PLCB4: variants seen among roughly 807,000 people sequenced by gnomAD.
PLCB4 encodes 1-phosphatidylinositol 4,5-bisphosphate phosphodiesterase beta-4.
Under a neutral mutation model 178.8 loss-of-function variants are expected in PLCB4, and 77 were observed. The ratio of observed to expected loss-of-function variants is 0.43; its 90% CI spans 0.36 to 0.52. PLCB4 has a LOEUF of 0.52. PLCB4 is among the 20% of genes least tolerant of loss of function. PLCB4 has a pLI of 0.00. For synonymous variants in PLCB4, 496 were observed against 490.8 expected (o/e 1.01, Z -0.14); for missense variants, 1,024 against 1,453.4 (o/e 0.70, Z 4.80).
At chr20:9,215,062 A>G (rs1293571881) in intron 2 of PLCB4, among the ~76,000 whole-genome samples, 2 of 152,090 alleles carry the variant, frequency 1.3e-5, no homozygotes, top group African/African-American at 2.4e-5. Flanking sequence ...GCTTTTTGGG[A>G]ACTCGGCCTG....
chr20:9,259,582 T>G (rs1463154546), intron 3 of PLCB4, among the ~76,000 whole-genome samples: 1 of 152,108 alleles, frequency 6.6e-6, no homozygotes, highest in Non-Finnish European at 1.5e-5. Context: ...GAAATAAAAC[T>G]GGCAGAGATG....
At chr20:9,400,623 T>C (rs77487656) in intron 19 of PLCB4, among the ~76,000 whole-genome samples, 3,344 of 152,316 alleles carry the variant, frequency 0.022, 124 homozygotes, top group African/African-American at 0.076. Context: ...GTCCTCATCC[T>C]GATGTCTGTG....
At chr20:9,422,964 T>C (rs373031398) in intron 27 of PLCB4, among the ~76,000 whole-genome samples, 4 of 152,238 alleles carry the variant, frequency 2.6e-5, no homozygotes, top group African/African-American at 7.2e-5. Flanking sequence ...GATGTCCTGG[T>C]TGCTTTTAGC....
intron 3 of PLCB4, among the ~76,000 whole-genome samples, chr20:9,256,480 C>A (rs369250528): frequency 1.3e-5 from 2 of 152,182 alleles, no homozygotes; most frequent in Admixed American, 6.5e-5. Flanking sequence ...GTCGGCTAAA[C>A]AAGGTTACAA....
At chr20:9,405,973 G>A (rs140429715) in intron 21 of PLCB4, among the ~76,000 whole-genome samples, 261 of 152,192 alleles carry the variant, frequency 1.7e-3, no homozygotes, top group African/African-American at 6.1e-3. Flanking sequence ...AGTTGAGATC[G>A]TATCTTCTCA....
chr20:9,294,424 T>C (rs2094610849), intron 3 of PLCB4, among the ~76,000 whole-genome samples: 1 of 152,136 alleles, frequency 6.6e-6, no homozygotes, highest in African/African-American at 2.4e-5. Flanking sequence ...TACCATTTAC[T>C]TCAGGCTCTC....
chr20:9,346,059 T>C (rs1044604321), intron 7 of PLCB4, among the ~76,000 whole-genome samples: 3 of 152,192 alleles, frequency 2.0e-5, no homozygotes, highest in Admixed American at 2.0e-4. Context: ...TCTACTGATA[T>C]TTAACCACAG....
At chr20:9,163,770 A>G (rs1219997972) in intron 2 of PLCB4, among the ~76,000 whole-genome samples, 3 of 152,120 alleles carry the variant, frequency 2.0e-5, no homozygotes, top group Admixed American at 1.3e-4. Flanking sequence ...ATCATGATTT[A>G]TCACATTTTT....
At chr20:9,375,137 G>C (rs1430812034) in intron 12 of PLCB4, among the ~76,000 whole-genome samples, 1 of 152,064 alleles carries the variant, frequency 6.6e-6, no homozygotes, top group East Asian at 1.9e-4. Context: ...AACTCAACTG[G>C]AAGAACTAGA....
chr20:9,203,777 G>GTTT (rs553691545), intron 2 of PLCB4, among the ~76,000 whole-genome samples: 13 of 101,700 alleles, frequency 1.3e-4, no homozygotes, highest in African/African-American at 2.4e-4. Context: ...TGGGAATAGT[G>GTTT]TTTTTTTTTT....
chr20:9,124,488 C>A (rs910314598), intron 2 of PLCB4, among the ~76,000 whole-genome samples: 1 of 152,008 alleles, frequency 6.6e-6, no homozygotes, highest in Non-Finnish European at 1.5e-5. Context: ...CAGAATAGGA[C>A]CTGTCTCTAA....
At chr20:9,461,995 C>T (rs187138723) in intron 35 of PLCB4, among the ~76,000 whole-genome samples, 1 of 152,216 alleles carries the variant, frequency 6.6e-6, no homozygotes, top group African/African-American at 2.4e-5. Flanking sequence ...CTGGGAGACA[C>T]CACCAAGCAG....
At chr20:9,198,458 A>G (rs2093500740) in intron 2 of PLCB4, among the ~76,000 whole-genome samples, 1 of 152,218 alleles carries the variant, frequency 6.6e-6, no homozygotes, top group Admixed American at 6.5e-5. Context: ...AACAAAGTAA[A>G]TTTATTCTTT....
chr20:9,103,268 A>G (rs575736892), intron 2 of PLCB4, among the ~76,000 whole-genome samples: 1 of 152,322 alleles, frequency 6.6e-6, no homozygotes, highest in African/African-American at 2.4e-5. Flanking sequence ...TTTAACATGC[A>G]GCTTATATCA....
At chr20:9,330,071 A>C (rs573366654) in intron 4 of PLCB4, among the ~76,000 whole-genome samples, 3 of 152,198 alleles carry the variant, frequency 2.0e-5, no homozygotes, top group Non-Finnish European at 4.4e-5. Context: ...TCTGCTAGGT[A>C]TGAAGCTTAA....
intron 1 of PLCB4, among the ~76,000 whole-genome samples, chr20:9,089,850 A>C (rs1231008081): frequency 6.6e-6 from 1 of 152,188 alleles, no homozygotes; most frequent in East Asian, 1.9e-4. Flanking sequence ...TGCTTATAGC[A>C]GTTAATGTGG....
rs181126193 is a variant in PLCB4 at position 9,262,973 on chromosome 20, T to C, written c.-15-44827T>C. On this transcript the variant is annotated intron_variant, in intron 3 of 39. Coordinates refer to ENST00000378473, the MANE Select transcript of PLCB4 (RefSeq NM_001377142.1). The stretch of plus-strand genomic sequence containing the variant: ...CAGGCAGTGATTGATTTTCAGCGGC[T>C]CTCTTATCTCTGCTCTTCCAGTGCT... Among the ~76,000 whole-genome samples, 23 of 152,298 alleles carry C rather than the reference T, an allele frequency of 1.5e-4. 1 individual carries two copies. Among genetic ancestry groups the C allele is most frequent in the Admixed American group, 1.2e-3 (19 of 15,292 alleles).
intron 18 of PLCB4, among the ~76,000 whole-genome samples, chr20:9,394,473 T>G (rs6056594): frequency 0.1 from 15,540 of 152,128 alleles, 2,612 homozygotes; most frequent in African/African-American, 0.35. Context: ...TTAATGATAC[T>G]GAGTTTAAAT....
chr20:9,437,841 G>A (rs548775583), intron 30 of PLCB4, among the ~76,000 whole-genome samples: 2 of 152,198 alleles, frequency 1.3e-5, no homozygotes, highest in Non-Finnish European at 2.9e-5. Context: ...TGATACTCAT[G>A]CTTCTGTTAT....
Sources: allele counts gnomAD v4.1 joint callset (sites outside exome capture counted in the v4.1 genomes callset), GRCh38; gene constraint gnomAD v4.1.1; transcripts MANE v1.5; gene names NCBI Gene and HGNC (gene_info 2026-07-23, HGNC 2026-07-21).